The following DNPEP variants were observed in gnomAD, a reference collection of about 807,000 sequenced individuals.
DNPEP encodes the protein aspartyl aminopeptidase.
DNPEP carries 46 observed loss-of-function variants against 59.1 expected under a neutral mutation model. The observed-to-expected ratio is 0.78, with a 90% CI of 0.61 to 0.99. The LOEUF (loss-of-function observed/expected upper bound fraction) is 0.99. Ranked by LOEUF, DNPEP falls within the 50% of genes least tolerant of loss-of-function variation. DNPEP has a pLI of 0.00. For synonymous variants in DNPEP, 229 were observed against 242.2 expected (o/e 0.95, Z 0.50); for missense variants, 617 against 649.9 (o/e 0.95, Z 0.55).
chr2:219,393,096 G>T (rs1954044248), upstream of DNPEP, among the ~76,000 whole-genome samples: 1 of 152,150 alleles, frequency 6.6e-6, no homozygotes, highest in African/African-American at 2.4e-5. Flanking sequence ...GGCCACATTG[G>T]AAGAAGTAGA....
chr2:219,390,142 G>A (rs181373229), upstream of DNPEP, among the ~76,000 whole-genome samples: 1 of 152,328 alleles, frequency 6.6e-6, no homozygotes, highest in Admixed American at 6.5e-5. Flanking sequence ...GGGAAATACA[G>A]AAGTGTTCCT....
At chr2:219,387,988 C>T (rs1225979330), upstream of DNPEP, 1 of 1,261,130 alleles carries the variant, frequency 7.9e-7, no homozygotes, top group Non-Finnish European at 1.0e-6. Context: ...GCCCCGCCCA[C>T]CTCGGTCAGC....
chr2:219,387,891 T>C lies in DNPEP; in HGVS notation c.-97A>G. The C allele has an allele frequency of 7.4e-7, 1 of 1,355,476 alleles. No homozygotes were observed. The highest frequency in any genetic ancestry group is 9.4e-7 in the Non-Finnish European group (1 of 1,060,678). 84.0% of individuals were successfully genotyped at this position (1,355,476 alleles called of 1,614,324 possible). A position where few individuals can be genotyped will look rare whatever the true frequency, so the allele number is the denominator to read the frequency against. On this transcript the variant is annotated 5_prime_UTR_variant, in exon 1 of 15. Transcript: ENST00000273075. ...CGTGCCCCTTCAGGCCGCGCCGCAC[T>C]CGTAGGCCTTCATCACGCTTCCCCG...
At chr2:219,385,796 T>C (rs1041076731) in intron 6 of DNPEP, 90 bp from the exon 7 acceptor site, 2 of 1,406,042 alleles carry the variant, frequency 1.4e-6, no homozygotes, top group Middle Eastern at 2.1e-4. Flanking sequence ...GATGGGCAAC[T>C]GCCTCTGCCC....
rs1953246161 is a variant in DNPEP, at chr2:219,373,195, A to G, written c.*1097T>C. Among the ~76,000 whole-genome samples the G allele has an allele frequency of 4.4e-5, 2 of 45,074 alleles. No homozygotes were observed. The allele number at this position is 45,074 out of a possible 152,430, so 29.6% of individuals were successfully genotyped here. A position where few individuals can be genotyped will look rare whatever the true frequency, so the allele number is the denominator to read the frequency against. ...GCGATTCTCCTGCCTCAGCCTCCGGAGTGGCTGAGATTACAGGCATGTGCC... is the reference window on the plus strand; with the variant it reads ...GCGATTCTCCTGCCTCAGCCTCCGGGGTGGCTGAGATTACAGGCATGTGCC... On this transcript the variant is annotated 3_prime_UTR_variant, in exon 15 of 15. Transcript: ENST00000273075.
At position 219,386,981 on chromosome 2, in the gene DNPEP, C is replaced by T; in HGVS notation, c.131-1G>A. 1 of 1,614,062 alleles carries T rather than the reference C, an allele frequency of 6.2e-7. No homozygotes were observed. The highest frequency in any genetic ancestry group is 8.5e-7 in the Non-Finnish European group (1 of 1,180,002). On this transcript the variant is annotated splice_acceptor_variant, in intron 2 of 14. Coordinates refer to ENST00000273075, the MANE Select transcript of DNPEP (RefSeq NM_012100.4). LOFTEE classifies it high-confidence loss of function. ...AGGCGGTTGCGGCATTCAGCCACAG[C>T]TGTGGGAAAAGCACCCTCTCACAGC...
chr2:219,380,114 C>T (rs1027926075), intron 13 of DNPEP, among the ~76,000 whole-genome samples: 4 of 151,882 alleles, frequency 2.6e-5, no homozygotes, highest in South Asian at 4.1e-4. Flanking sequence ...CTTCGAGTGC[C>T]GTAAGCTCCA....
rs1361567857 is a variant in DNPEP, at chr2:219,381,413, G to A, written c.1161C>T (p.Ser387=). 3.1e-6 allele frequency: 5 copies of A among 1,614,254 alleles called. No individual in the cohort carries two copies. Among genetic ancestry groups the A allele is most frequent in the Non-Finnish European group, 4.2e-6 (5 of 1,180,046 alleles). The stretch of plus-strand genomic sequence containing the variant: ...CCGCGTTTGAAGCATAGCGTTGCTT[G>A]CTGTTCACCTTGATCACGGGGCCCT... ...FHKGPVIKVN[S]KQRYASNAVS... is the part of the protein sequence containing the mutation. Residue 387 remains serine (S), a synonymous_variant, in exon 13 of 15, where the codon AGC becomes AGT. Coordinates refer to ENST00000273075, the MANE Select transcript of DNPEP (RefSeq NM_012100.4).
At chr2:219,388,681 A>C (rs2125147748), upstream of DNPEP, 1 of 985,576 alleles carries the variant, frequency 1.0e-6, no homozygotes, top group East Asian at 1.1e-4. Flanking sequence ...GGCCAATAAA[A>C]AGCTCGCCCC....
chr2:219,383,025 G>C, intron 10 of DNPEP, 106 bp downstream of exon 10: 1 of 992,796 alleles, frequency 1.0e-6, no homozygotes, highest in Non-Finnish European at 1.5e-6. Flanking sequence ...CATCTCCCCT[G>C]TCTTGGGGCC....
At position 219,399,918 on chromosome 2, in the gene DNPEP, C is replaced by T. The variant is rs954815137; in HGVS notation, c.-158+22G>A. ...GGGGACGAACATGATGGAGAGGCTC[C>T]GAGCCATGGTGACCTGCTCACCTCC... On this transcript the variant is annotated intron_variant, in intron 1 of 6. Coordinates refer to the DNPEP transcript ENST00000434339. 1.7e-5 allele frequency: 26 copies of T among 1,550,388 alleles called. No individual in the cohort carries two copies. The East Asian group carries it at 2.0e-4, about 12-fold the overall frequency.
chr2:219,384,542 C>T, intron 8 of DNPEP, 99 bp from the exon 9 acceptor site: 1 of 937,038 alleles, frequency 1.1e-6, no homozygotes, highest in Non-Finnish European at 1.6e-6. Context: ...GCAACCTCTC[C>T]CTGACCCCTG....
chr2:219,379,616 T>A (rs1487095636), intron 13 of DNPEP, among the ~76,000 whole-genome samples: 1 of 152,102 alleles, frequency 6.6e-6, no homozygotes, highest in African/African-American at 2.4e-5. Context: ...ATTTTAAAAA[T>A]GGAAGGTTAT....
chr2:219,391,125 G>A (rs1015443372), upstream of DNPEP, among the ~76,000 whole-genome samples: 1 of 152,178 alleles, frequency 6.6e-6, no homozygotes, highest in African/African-American at 2.4e-5. Context: ...AACTTCAATT[G>A]TTTGACACAT....
intron 13 of DNPEP, among the ~76,000 whole-genome samples, chr2:219,377,447 G>C (rs937826830): frequency 6.6e-6 from 1 of 152,074 alleles, no homozygotes; most frequent in African/African-American, 2.4e-5. Flanking sequence ...TTAAAAAGGG[G>C]TGGGGGGAAC....
intron 1 of DNPEP, 126 bp from the exon 2 acceptor site, chr2:219,387,289 C>T (rs1953888894): frequency 1.9e-5 from 27 of 1,436,058 alleles, no homozygotes; most frequent in Non-Finnish European, 2.4e-5. Context: ...TCTGCTTCCG[C>T]CCGTCCCCAC....
At chr2:219,395,244 G>A (rs760434792) in intron 1 of DNPEP, among the ~76,000 whole-genome samples, 15 of 152,152 alleles carry the variant, frequency 9.9e-5, no homozygotes, top group East Asian at 5.8e-4. Context: ...CACTGGGCCC[G>A]GCCGACGTGG....
intron 13 of DNPEP, among the ~76,000 whole-genome samples, chr2:219,375,551 A>T (rs1247243830): frequency 1.3e-5 from 2 of 152,042 alleles, no homozygotes; most frequent in African/African-American, 2.4e-5. Context: ...TTATTTAAAA[A>T]TTTTTATTTT....
At chr2:219,387,989 C>A (rs1953927906), upstream of DNPEP, 2 of 1,278,510 alleles carry the variant, frequency 1.6e-6, no homozygotes, top group East Asian at 3.2e-5. Context: ...CCCCGCCCAC[C>A]TCGGTCAGCC....
Sources: gnomAD v4.1 joint callset for allele counts (sites outside exome capture counted in the v4.1 genomes callset) on GRCh38, gnomAD v4.1.1 for gene constraint, MANE v1.5 for transcripts, NCBI Gene and HGNC (gene_info 2026-07-23, HGNC 2026-07-21) for gene names.